GALNTL6: variants seen among roughly 807,000 people sequenced by gnomAD.
GALNTL6 encodes the protein polypeptide N-acetylgalactosaminyltransferase-like 6.
In GALNTL6, 46 loss-of-function variants were observed where a neutral mutation model predicts 73.7. The ratio of observed to expected loss-of-function variants is 0.62; its 90% CI spans 0.49 to 0.80. The LOEUF (loss-of-function observed/expected upper bound fraction) is 0.80, where lower values mean the gene tolerates loss of function less well. Ranked by LOEUF, GALNTL6 falls within the 30% of genes least tolerant of loss-of-function variation. GALNTL6 has a pLI of 0.00. For synonymous variants in GALNTL6, 259 were observed against 263.7 expected (o/e 0.98, Z 0.17); for missense variants, 604 against 755.0 (o/e 0.80, Z 2.34).
At chr4:172,646,634 AT>A (rs1484097044) in intron 5 of GALNTL6, among the ~76,000 whole-genome samples, 3 of 152,026 alleles carry the variant, frequency 2.0e-5, no homozygotes, top group African/African-American at 7.2e-5. Flanking sequence ...ATTTTACTAC[AT>A]TTACACTAAT....
chr4:171,815,877 AG>A (rs1163414515), intron 2 of GALNTL6: 4 of 152,230 alleles, frequency 2.6e-5, no homozygotes, highest in Admixed American at 2.6e-4. Context: ...AATCATTACC[AG>A]TCTCTAAACT....
intron 2 of GALNTL6, among the ~76,000 whole-genome samples, chr4:172,062,696 C>T (rs1731246975): frequency 1.3e-5 from 2 of 152,304 alleles, no homozygotes; most frequent in South Asian, 4.1e-4. Context: ...AAGATACAAC[C>T]ACATTTTTCA....
intron 2 of GALNTL6, among the ~76,000 whole-genome samples, chr4:172,001,267 G>A (rs948200179): frequency 2.0e-5 from 3 of 152,186 alleles, no homozygotes; most frequent in African/African-American, 7.2e-5. Context: ...TACTTTCAGT[G>A]TAAACTGGAG....
At chr4:172,339,899 T>C (rs1741500527) in intron 4 of GALNTL6, among the ~76,000 whole-genome samples, 1 of 152,208 alleles carries the variant, frequency 6.6e-6, no homozygotes, top group Non-Finnish European at 1.5e-5. Flanking sequence ...ATTTTTCTTC[T>C]TGAATTAAAG....
In GALNTL6 at chr4:172,809,498, C is replaced by T. The variant is rs1000243936; in HGVS notation, c.691C>T (p.Leu231=). 1.2e-6 allele frequency: 2 copies of T among 1,613,636 alleles called. No homozygotes were observed. Among genetic ancestry groups the T allele is most frequent in the Admixed American group, 1.7e-5 (1 of 59,962 alleles). The change falls in exon 6 of 13, where the codon CTG becomes TTG. Residue 231 remains leucine (L), a synonymous_variant. Transcript: ENST00000506823. The surrounding 1 kb of genome is among the most constrained non-coding windows in gnomAD (Gnocchi z 4.4). ...GGCCAGAGGAGAAGTCCTGACATTC[C>T]TGGACTCCCACTGCGAGGTCAATGT... is the stretch of plus-strand genomic sequence containing the variant. ...SMARGEVLTF[L]DSHCEVNVNW... is the part of the protein sequence containing the mutation.
chr4:171,974,280 CTTTG>C (rs1185845915), intron 2 of GALNTL6, among the ~76,000 whole-genome samples: 1 of 152,004 alleles, frequency 6.6e-6, no homozygotes. Context: ...CTTATTTAAA[CTTTG>C]TTTATTATTA....
At chr4:172,600,110 CTT>C (rs767367324) in intron 5 of GALNTL6, among the ~76,000 whole-genome samples, 150 of 152,134 alleles carry the variant, frequency 9.9e-4, no homozygotes, top group Admixed American at 4.6e-3. Flanking sequence ...TTCGGACACT[CTT>C]TTTTTCATTA....
chr4:172,989,397 A>G (rs4289425), intron 10 of GALNTL6, among the ~76,000 whole-genome samples: 148,590 of 152,288 alleles, frequency 0.98, 72,624 homozygotes, highest in Middle Eastern at 1. Flanking sequence ...TTAACATTTC[A>G]GGGGACTGTT....
At chr4:172,277,634 T>C (rs1160847729) in intron 3 of GALNTL6, among the ~76,000 whole-genome samples, 2 of 152,170 alleles carry the variant, frequency 1.3e-5, no homozygotes, top group Non-Finnish European at 2.9e-5. Context: ...CCAAGTCTCT[T>C]TGCATAATTT....
In GALNTL6 at chr4:172,587,692, CTT is replaced by C. The variant is rs1737467254; in HGVS notation, c.554-221668_554-221667del. 2.0e-5 allele frequency among the ~76,000 whole-genome samples: 3 copies of C among 152,314 alleles called. No individual in the cohort carries two copies. In the South Asian group the frequency reaches 6.2e-4, roughly 32 times the overall value. ...TGCAGCTCACAGATTCTTATACATC[CTT>C]CCAGGATCGGCTCTAGCAATGCCTC... On this transcript the variant is annotated intron_variant, in intron 5 of 12. Coordinates refer to ENST00000506823, the MANE Select transcript of GALNTL6 (RefSeq NM_001034845.3).
intron 5 of GALNTL6, among the ~76,000 whole-genome samples, chr4:172,451,674 C>T (rs1477131207): frequency 6.6e-6 from 1 of 152,010 alleles, no homozygotes; most frequent in African/African-American, 2.4e-5. Context: ...ATATTATATG[C>T]CTTGCAAGAA....
chr4:172,246,854 A>G (rs1387566707), intron 3 of GALNTL6, among the ~76,000 whole-genome samples: 1 of 150,380 alleles, frequency 6.6e-6, no homozygotes, highest in African/African-American at 2.4e-5. Flanking sequence ...TCATTTACAT[A>G]CACACACAGT....
Position 171,884,430 on chromosome 4 carries a change from C to T in GALNTL6, c.138+69712C>T, listed in dbSNP as rs1736551275. 2.0e-5 allele frequency among the ~76,000 whole-genome samples: 3 copies of T among 152,000 alleles called. 1 individual carries two copies. The South Asian group carries it at 6.2e-4, about 31-fold the overall frequency. Reference sequence around the variant, plus strand: ...AGATAATATTAGATACTGTTATTATCATCTTAGAGAAAACAGGCACAAGAA... The same window carrying T: ...AGATAATATTAGATACTGTTATTATTATCTTAGAGAAAACAGGCACAAGAA... On this transcript the variant is annotated intron_variant, in intron 2 of 12. Coordinates refer to ENST00000506823, the MANE Select transcript of GALNTL6 (RefSeq NM_001034845.3).
Position 172,600,072 on chromosome 4 carries a change from G to A in GALNTL6, c.554-209289G>A, listed in dbSNP as rs953735384. On this transcript the variant is annotated intron_variant, in intron 5 of 12. Coordinates refer to ENST00000506823, the MANE Select transcript of GALNTL6 (RefSeq NM_001034845.3). Reference sequence around the variant, plus strand: ...GACCTTGTTCCAGTGTCATAGTAGAGGTTTTAAATAATTTGACCAGTGTAG... The same window carrying A: ...GACCTTGTTCCAGTGTCATAGTAGAAGTTTTAAATAATTTGACCAGTGTAG... 6.6e-5 allele frequency among the ~76,000 whole-genome samples: 10 copies of A among 152,082 alleles called. No individual in the cohort carries two copies. The East Asian group carries it at 1.4e-3, about 21-fold the overall frequency.
intron 5 of GALNTL6, among the ~76,000 whole-genome samples, chr4:172,695,562 T>C (rs1378407771): frequency 6.6e-6 from 1 of 152,238 alleles, no homozygotes; most frequent in African/African-American, 2.4e-5. Flanking sequence ...CTGATTATTT[T>C]TATCTCCCTG....
chr4:172,001,838 A>T (rs904219438), intron 2 of GALNTL6, among the ~76,000 whole-genome samples: 4 of 152,160 alleles, frequency 2.6e-5, no homozygotes, highest in Non-Finnish European at 4.4e-5. Flanking sequence ...GCCAAAGTAC[A>T]GGTTTGTAAT....
At chr4:171,903,405 C>A (rs1429691532) in intron 2 of GALNTL6, among the ~76,000 whole-genome samples, 1 of 152,062 alleles carries the variant, frequency 6.6e-6, no homozygotes, top group Non-Finnish European at 1.5e-5. Flanking sequence ...AAAATCGGGT[C>A]ACTCCCACCC....
chr4:172,711,732 A>G (rs1203953972), intron 5 of GALNTL6, among the ~76,000 whole-genome samples: 1 of 152,200 alleles, frequency 6.6e-6, no homozygotes, highest in Non-Finnish European at 1.5e-5. Context: ...AGTTACAGGT[A>G]TGCAGATGGA....
chr4:172,794,700 T>G (rs1740173278), intron 5 of GALNTL6, among the ~76,000 whole-genome samples: 2 of 152,316 alleles, frequency 1.3e-5, no homozygotes, highest in South Asian at 4.1e-4. Context: ...TTCGTCAGAA[T>G]CAACCCTGCA....
Sources: allele counts gnomAD v4.1 joint callset (sites outside exome capture counted in the v4.1 genomes callset), GRCh38; gene constraint gnomAD v4.1.1; non-coding constraint Gnocchi (gnomAD v3.1); transcripts MANE v1.5; gene names NCBI Gene and HGNC (gene_info 2026-07-23, HGNC 2026-07-21).